Variants in LUZP2 observed in about 807,000 individuals in gnomAD.
LUZP2 encodes leucine zipper protein 2.
In LUZP2, 52 loss-of-function variants were observed where a neutral mutation model predicts 51.6. The observed-to-expected ratio is 1.01, with a 90% CI of 0.81 to 1.27. LUZP2 has a LOEUF of 1.27. Among genes scored for constraint, LUZP2 ranks in the 50% most tolerant of loss-of-function variants. The pLI, the probability that LUZP2 is intolerant of heterozygous loss-of-function variation, is 0.00. For missense variants in LUZP2, 436 were observed against 395.4 expected (o/e 1.10, Z -0.87); for synonymous variants, 154 against 137.3 (o/e 1.12, Z -0.85).
intron 1 of LUZP2, among the ~76,000 whole-genome samples, chr11:24,608,932 A>G (rs1185697546): frequency 6.6e-6 from 1 of 152,168 alleles, no homozygotes; most frequent in Non-Finnish European, 1.5e-5. Context: ...GGGTTTAGAT[A>G]TCTAGTGGTA....
chr11:24,550,236 C>G (rs1409683770), intron 1 of LUZP2, among the ~76,000 whole-genome samples: 1 of 151,972 alleles, frequency 6.6e-6, no homozygotes, highest in Non-Finnish European at 1.5e-5. Context: ...TAGAACCTAC[C>G]ACATTTATGT....
Position 25,080,114 on chromosome 11 carries a change from A to G in LUZP2, c.*1456A>G, listed in dbSNP as rs914821967. ...TTCAGTGTCATTCATTAGCACAGGC[A>G]GGTCCCAACCACAATGGTTCAACTT... On this transcript the variant is annotated 3_prime_UTR_variant, in exon 12 of 12. Transcript: ENST00000336930. 2.0e-5 allele frequency: 3 copies of G among 152,234 alleles called. No individual in the cohort carries two copies. The highest frequency in any genetic ancestry group is 6.5e-5 in the Admixed American group (1 of 15,282). The allele number at this position is 152,234 out of a possible 1,614,324, so 9.4% of individuals were successfully genotyped here. A position where few individuals can be genotyped will look rare whatever the true frequency, so the allele number is the denominator to read the frequency against.
chr11:24,579,780 A>C (rs976844492), intron 1 of LUZP2, among the ~76,000 whole-genome samples: 16 of 152,108 alleles, frequency 1.1e-4, no homozygotes, highest in Non-Finnish European at 2.2e-4. Context: ...AACCTTAAAA[A>C]ATTATCAAAT....
At chr11:24,503,045 G>T (rs1003183129) in intron 1 of LUZP2, among the ~76,000 whole-genome samples, 1 of 151,948 alleles carries the variant, frequency 6.6e-6, no homozygotes, top group African/African-American at 2.4e-5. Flanking sequence ...TTACTACGGA[G>T]AACAAATTAA....
At chr11:24,650,668 G>A (rs1310132908) in intron 1 of LUZP2, among the ~76,000 whole-genome samples, 1 of 151,984 alleles carries the variant, frequency 6.6e-6, no homozygotes, top group Non-Finnish European at 1.5e-5. Context: ...CTTTGTAAAT[G>A]GCTGAAATTC....
intron 9 of LUZP2, among the ~76,000 whole-genome samples, chr11:25,003,560 G>A (rs1249930897): frequency 2.0e-5 from 3 of 152,128 alleles, no homozygotes; most frequent in Non-Finnish European, 4.4e-5. Flanking sequence ...CTAGAATTGG[G>A]GTGTTGCAGG....
chr11:24,808,672 T>C (rs1849927029), intron 5 of LUZP2, among the ~76,000 whole-genome samples: 1 of 152,186 alleles, frequency 6.6e-6, no homozygotes, highest in African/African-American at 2.4e-5. Flanking sequence ...TAATTGTGCT[T>C]ACTGTGCAAG....
chr11:25,046,644 C>T (rs1405916553), intron 9 of LUZP2, among the ~76,000 whole-genome samples: 1 of 152,082 alleles, frequency 6.6e-6, no homozygotes. Context: ...CTATAATAGC[C>T]TGATGTTTGG....
intron 7 of LUZP2, among the ~76,000 whole-genome samples, chr11:24,945,653 A>G (rs866984413): frequency 5.3e-5 from 8 of 151,852 alleles, no homozygotes; most frequent in African/African-American, 1.9e-4. Flanking sequence ...CTATATCTTC[A>G]GTCTTATCAG....
intron 5 of LUZP2, among the ~76,000 whole-genome samples, chr11:24,772,698 A>G (rs1590494506): frequency 6.6e-6 from 1 of 152,114 alleles, no homozygotes; most frequent in East Asian, 1.9e-4. Context: ...CTGTCTCTCA[A>G]TTCTGGAGGC....
chr11:24,855,553 C>A (rs1590644765), intron 5 of LUZP2, among the ~76,000 whole-genome samples: 1 of 152,234 alleles, frequency 6.6e-6, no homozygotes, highest in East Asian at 1.9e-4. Context: ...AAGCAATTTA[C>A]AAATTCAATA....
chr11:24,719,044 T>C (rs1400882311), intron 1 of LUZP2, among the ~76,000 whole-genome samples: 1 of 152,014 alleles, frequency 6.6e-6, no homozygotes, highest in Non-Finnish European at 1.5e-5. Context: ...CAAAGGAAAA[T>C]GAAGGAGACA....
At chr11:24,768,275 A>C (rs1860272044) in intron 5 of LUZP2, among the ~76,000 whole-genome samples, 1 of 152,114 alleles carries the variant, frequency 6.6e-6, no homozygotes, top group South Asian at 2.1e-4. Context: ...CTGGGACTAC[A>C]GGCATTATAT....
At chr11:24,688,940 G>A (rs1039557414) in intron 1 of LUZP2, among the ~76,000 whole-genome samples, 6 of 152,014 alleles carry the variant, frequency 3.9e-5, no homozygotes, top group Admixed American at 1.3e-4. Flanking sequence ...TCCCTGTATT[G>A]TCTCACTGTA....
At chr11:24,635,382 T>A (rs79532741) in intron 1 of LUZP2, among the ~76,000 whole-genome samples, 7,522 of 151,788 alleles carry the variant, frequency 0.05, 260 homozygotes, top group Middle Eastern at 0.13. Flanking sequence ...CAACATGTTA[T>A]AAGCAACATG....
chr11:25,049,429 A>G (rs1160352143), intron 9 of LUZP2, among the ~76,000 whole-genome samples: 1 of 152,136 alleles, frequency 6.6e-6, no homozygotes, highest in African/African-American at 2.4e-5. Context: ...CTCTGACCAG[A>G]ACTAGGAAAC....
At chr11:24,910,601 C>T (rs1428462414) in intron 6 of LUZP2, among the ~76,000 whole-genome samples, 1 of 152,296 alleles carries the variant, frequency 6.6e-6, no homozygotes, top group South Asian at 2.1e-4. Context: ...TGGTATTGAG[C>T]CTGTGGGCAC....
chr11:25,044,799 G>A (rs1035865538), intron 9 of LUZP2, among the ~76,000 whole-genome samples: 5 of 151,824 alleles, frequency 3.3e-5, no homozygotes, highest in Non-Finnish European at 1.5e-5. Flanking sequence ...GCAAAGACTT[G>A]GAACCAACCT....
intron 7 of LUZP2, among the ~76,000 whole-genome samples, chr11:24,923,728 T>A (rs2133820297): frequency 6.6e-6 from 1 of 152,150 alleles, no homozygotes; most frequent in African/African-American, 2.4e-5. Flanking sequence ...TCCCTCTCAA[T>A]GTGCTTACAA....
Sources: gnomAD v4.1 joint callset for allele counts (sites outside exome capture counted in the v4.1 genomes callset) on GRCh38, gnomAD v4.1.1 for gene constraint, MANE v1.5 for transcripts, NCBI Gene and HGNC (gene_info 2026-07-23, HGNC 2026-07-21) for gene names.